The following DHPS variants were observed in gnomAD, a reference collection of about 807,000 sequenced individuals.
DHPS encodes the protein deoxyhypusine synthase, also known as migration-inducing gene 13.
DHPS carries 24 observed loss-of-function variants against 38.7 expected under a neutral mutation model. The ratio of observed to expected loss-of-function variants is 0.62; its 90% CI spans 0.45 to 0.87. The LOEUF (loss-of-function observed/expected upper bound fraction) is 0.87. DHPS is among the 40% of genes least tolerant of loss of function. DHPS has a pLI of 0.00. For synonymous variants in DHPS, 250 were observed against 204.4 expected (o/e 1.22, Z -1.90); for missense variants, 510 against 497.6 (o/e 1.02, Z -0.24).
intron 5 of DHPS, among the ~76,000 whole-genome samples, chr19:12,677,841 C>G (rs2024670294): frequency 6.6e-6 from 1 of 151,848 alleles, no homozygotes; most frequent in African/African-American, 2.4e-5. Flanking sequence ...AGGGTTCCAC[C>G]ATGTTGGCCA....
At chr19:12,674,627 G>A (rs1434444192), downstream of DHPS, among the ~76,000 whole-genome samples, 1 of 152,198 alleles carries the variant, frequency 6.6e-6, no homozygotes, top group African/African-American at 2.4e-5. Context: ...TGTTTACATT[G>A]TGTTGGGACC....
intron 5 of DHPS, among the ~76,000 whole-genome samples, chr19:12,678,241 A>G (rs1220218954): frequency 1.3e-5 from 2 of 151,244 alleles, no homozygotes; most frequent in Non-Finnish European, 3.0e-5. Context: ...CTGGGTAACA[A>G]GAGCAAAACT....
chr19:12,680,892 G>A, intron 1 of DHPS: 1 of 172,366 alleles, frequency 5.8e-6, no homozygotes, highest in South Asian at 5.9e-5. Context: ...GGAGTGCAGT[G>A]GCGCAATCTC....
chr19:12,676,704 G>A (rs939657391), intron 7 of DHPS: 10 of 248,810 alleles, frequency 4.0e-5, no homozygotes, highest in Non-Finnish European at 4.8e-5. Flanking sequence ...TACTTCAGGC[G>A]CCCCAGAGCC....
chr19:12,675,499 C>T, downstream of DHPS: 3 of 1,598,666 alleles, frequency 1.9e-6, no homozygotes, highest in Non-Finnish European at 2.5e-6. Flanking sequence ...CACAGATAAC[C>T]ACTCCCTACC....
downstream of DHPS, chr19:12,673,187 C>T: frequency 6.2e-7 from 1 of 1,613,888 alleles, no homozygotes. Context: ...GCCCCCCGAT[C>T]CTGTCCACCC....
downstream of DHPS, chr19:12,673,257 G>GT: frequency 6.2e-7 from 1 of 1,614,054 alleles, no homozygotes; most frequent in Non-Finnish European, 8.5e-7. Flanking sequence ...GAGCGAGCGT[G>GT]ACACACATGT....
At chr19:12,675,570 G>T, downstream of DHPS, 1 of 1,606,074 alleles carries the variant, frequency 6.2e-7, no homozygotes. Context: ...TGGTGCAGTC[G>T]CTGGCCTACC....
In DHPS at chr19:12,679,464, G is replaced by C. The variant is rs2024725615; in HGVS notation, c.671C>G (p.Ala224Gly). The C allele has an allele frequency of 6.2e-7, 1 of 1,614,000 alleles. No homozygotes were observed. Among genetic ancestry groups the C allele is most frequent in the South Asian group, 1.1e-5 (1 of 91,090 alleles). ...INNPESVYYWAQKNHIPVFSP... is the reference protein window; with the variant it reads ...INNPESVYYWGQKNHIPVFSP... The stretch of plus-strand genomic sequence containing the variant: ...TCCCGCTTAGGTCCTCACCTTCTGG[G>C]CCCAGTAATACACGGACTCTGGGTT... The change falls in exon 5 of 9, where the codon GCC (alanine) becomes GGC (glycine). Residue 224 changes from alanine to glycine, a missense_variant. Ala to Gly is a moderately conservative substitution (Grantham distance 60). Transcript: ENST00000210060.
At chr19:12,679,418 G>T in intron 5 of DHPS, 39 bp downstream of exon 5, 1 of 1,580,132 alleles carries the variant, frequency 6.3e-7, no homozygotes, top group South Asian at 1.1e-5. Context: ...GTTAACACAT[G>T]CCAAAGTCTG....
At chr19:12,681,272 G>A in intron 1 of DHPS, 1 of 1,300,322 alleles carries the variant, frequency 7.7e-7, no homozygotes, top group Non-Finnish European at 9.9e-7. Flanking sequence ...TCTTGCCCCA[G>A]GCTCCGCCCA....
downstream of DHPS, chr19:12,675,567 G>A: frequency 1.2e-6 from 2 of 1,606,274 alleles, no homozygotes; most frequent in Non-Finnish European, 1.7e-6. Flanking sequence ...GTGTGGTGCA[G>A]TCGCTGGCCT....
At position 12,681,567 on chromosome 19, in the gene DHPS, T is replaced by G; in HGVS notation, c.200A>C (p.Asn67Thr). ...ATTCCGCCCGGTCCTCACCATGGCA[T>G]TGACTTGCTGTACAGCGCGCCCGAA... The part of the protein sequence containing the change: ...TNFGRAVQQV[N>T]AMIEKKLEPL... The change falls in exon 1 of 9, where the codon AAT becomes ACT. Residue 67 changes from asparagine to threonine, a missense_variant. Physicochemically the swap from Asn to Thr is moderately conservative, Grantham distance 65. Transcript: ENST00000210060. 1 of 1,614,284 alleles carries G rather than the reference T, an allele frequency of 6.2e-7. No homozygotes were observed.
At chr19:12,678,768 CAAAAA>C (rs1183531365) in intron 5 of DHPS, among the ~76,000 whole-genome samples, 1 of 46,338 alleles carries the variant, frequency 2.2e-5, no homozygotes, top group Non-Finnish European at 3.6e-5. Context: ...GACTCTGTCT[CAAAAA>C]AAAAAAAAAA....
chr19:12,681,270 C>G (rs2024800694), intron 1 of DHPS: 1 of 1,298,724 alleles, frequency 7.7e-7, no homozygotes, highest in Non-Finnish European at 1.0e-6. Context: ...TGTCTTGCCC[C>G]AGGCTCCGCC....
chr19:12,676,213 G>T, intron 7 of DHPS, 71 bp from the exon 8 acceptor site: 1 of 1,505,504 alleles, frequency 6.6e-7, no homozygotes, highest in Non-Finnish European at 8.9e-7. Flanking sequence ...GGAGGACACC[G>T]TAGCCAAACA....
chr19:12,673,003 C>T (rs752174235), downstream of DHPS: 2 of 1,612,482 alleles, frequency 1.2e-6, no homozygotes, highest in African/African-American at 2.7e-5. Flanking sequence ...CACCCTTCCC[C>T]CAAGGCCCCA....
Position 12,681,335 on chromosome 19 carries a change from C to A in DHPS, c.207+225G>T, listed in dbSNP as rs1444904508. The stretch of plus-strand genomic sequence containing the variant: ...ACCCGCCCCCACACCAAGAATCAGT[C>A]CTCGCCTCCTCAGGTTACCGTACCA... On this transcript the variant is annotated intron_variant, in intron 1 of 8. Transcript: ENST00000210060. The A allele has an allele frequency of 2.9e-6, 3 of 1,043,126 alleles. No homozygotes were observed. In the East Asian group the frequency reaches 8.1e-5, roughly 28 times the overall value. 64.6% of individuals were successfully genotyped at this position (1,043,126 alleles called of 1,614,324 possible).
chr19:12,677,079 G>C (rs776916904), intron 7 of DHPS, 29 bp downstream of exon 7: 7 of 1,598,472 alleles, frequency 4.4e-6, no homozygotes, highest in Middle Eastern at 3.5e-4. Context: ...CATGTCTGCA[G>C]AGTGGGCCGA....
Sources: allele counts gnomAD v4.1 joint callset (sites outside exome capture counted in the v4.1 genomes callset), GRCh38; gene constraint gnomAD v4.1.1; transcripts MANE v1.5; gene names NCBI Gene and HGNC (gene_info 2026-07-23, HGNC 2026-07-21).